RYR2: variants seen among roughly 807,000 people sequenced by gnomAD.
RYR2 encodes cardiac muscle ryanodine receptor-calcium release channel.
In RYR2, 227 loss-of-function variants were observed where a neutral mutation model predicts 601.1. The ratio of observed to expected loss-of-function variants is 0.38; its 90% CI spans 0.34 to 0.42. The LOEUF (loss-of-function observed/expected upper bound fraction) is 0.42, where lower values mean the gene tolerates loss of function less well. Ranked by LOEUF, RYR2 falls within the 10% of genes least tolerant of loss-of-function variation. The pLI, the probability that RYR2 is intolerant of heterozygous loss-of-function variation, is 1.00. For synonymous variants in RYR2, 2,223 were observed against 2,175.1 expected, an observed-to-expected ratio of 1.02 and a Z score of -0.61; for missense variants, 4,646 against 6,156.5, an observed-to-expected ratio of 0.75 and a Z score of 8.21.
chr1:237,815,295 A>C (rs188850308), intron 100 of RYR2, among the ~76,000 whole-genome samples: 2 of 152,288 alleles, frequency 1.3e-5, no homozygotes, highest in Non-Finnish European at 2.9e-5. Context: ...AAGGTGGATA[A>C]AAGGATTTTC....
At chr1:237,391,186 A>G (rs559167093) in intron 10 of RYR2, among the ~76,000 whole-genome samples, 2 of 152,212 alleles carry the variant, frequency 1.3e-5, no homozygotes, top group African/African-American at 4.8e-5. Flanking sequence ...TCCCTAGGTC[A>G]TTGTAAGGAA....
At chr1:237,087,864 A>T (rs558465006) in intron 1 of RYR2, among the ~76,000 whole-genome samples, 1 of 152,306 alleles carries the variant, frequency 6.6e-6, no homozygotes, top group South Asian at 2.1e-4. Context: ...AAGTTCTCGC[A>T]TTATTTGGAA....
intron 1 of RYR2, among the ~76,000 whole-genome samples, chr1:237,059,980 A>G (rs2148229057): frequency 6.6e-6 from 1 of 152,314 alleles, no homozygotes; most frequent in Non-Finnish European, 1.5e-5. Context: ...GTTTCCACAT[A>G]GTTATTAATA....
chr1:237,658,118 A>C, intron 54 of RYR2, 96 bp downstream of exon 54: 1 of 637,812 alleles, frequency 1.6e-6, no homozygotes, highest in Non-Finnish European at 2.5e-6. Flanking sequence ...TTTTAAAATG[A>C]GAACTTGATC....
At chr1:237,123,650 A>ATTTT (rs869177997) in intron 1 of RYR2, among the ~76,000 whole-genome samples, 13 of 78,966 alleles carry the variant, frequency 1.6e-4, no homozygotes, top group African/African-American at 2.5e-4. Flanking sequence ...ATCAGTCACT[A>ATTTT]TTTTTTTTTT....
At position 237,594,011 on chromosome 1, in the gene RYR2, AGAAAACT is replaced by A. The variant is rs530540054; in HGVS notation, c.4436+377_4436+383del. Among the ~76,000 whole-genome samples the A allele has an allele frequency of 1.1e-4, 16 of 152,304 alleles. No individual in the cohort carries two copies. In the South Asian group the frequency reaches 3.3e-3, roughly 32 times the overall value. ...TTCGGGAACTGGCTATGTGGTGGGG[AGAAAACT>A]GTGAAGACAATGTGGGCTGGTAGTT... On this transcript the variant is annotated intron_variant, in intron 33 of 104. Coordinates refer to ENST00000366574, the MANE Select transcript of RYR2 (RefSeq NM_001035.3).
At chr1:237,151,447 A>T (rs1200210369) in intron 1 of RYR2, among the ~76,000 whole-genome samples, 1 of 152,218 alleles carries the variant, frequency 6.6e-6, no homozygotes, top group Non-Finnish European at 1.5e-5. Flanking sequence ...GATGTTATTT[A>T]GCAATAATTC....
At chr1:237,582,983 A>C (rs1674103588) in intron 29 of RYR2, among the ~76,000 whole-genome samples, 1 of 151,192 alleles carries the variant, frequency 6.6e-6, no homozygotes, top group South Asian at 2.1e-4. Flanking sequence ...TTCTGTTTTA[A>C]GTTCTTTGAG....
chr1:237,809,445 T>C (rs1023009516), intron 100 of RYR2, among the ~76,000 whole-genome samples: 2 of 152,202 alleles, frequency 1.3e-5, no homozygotes, highest in African/African-American at 4.8e-5. Flanking sequence ...GAACTACTGG[T>C]TTTTGCTTTT....
intron 79 of RYR2, among the ~76,000 whole-genome samples, chr1:237,733,991 C>T (rs1246505432): frequency 6.6e-6 from 1 of 152,154 alleles, no homozygotes; most frequent in Non-Finnish European, 1.5e-5. Context: ...TGCTGGACAT[C>T]AATATATTGG....
chr1:237,603,645 G>C (rs200278686), intron 35 of RYR2, among the ~76,000 whole-genome samples: 3 of 152,258 alleles, frequency 2.0e-5, no homozygotes, highest in African/African-American at 4.8e-5. Flanking sequence ...ATTGGATAAA[G>C]AGTCAAGACC....
intron 29 of RYR2, among the ~76,000 whole-genome samples, chr1:237,573,416 G>C (rs1211767058): frequency 1.3e-5 from 2 of 151,540 alleles, no homozygotes; most frequent in African/African-American, 4.8e-5. Context: ...ACCAGTATAA[G>C]TTGTTTCTAT....
chr1:237,111,171 T>C (rs1259627137), intron 1 of RYR2, among the ~76,000 whole-genome samples: 1 of 152,222 alleles, frequency 6.6e-6, no homozygotes, highest in African/African-American at 2.4e-5. Context: ...AGGGAAACAT[T>C]TTTGGTTCAG....
intron 1 of RYR2, among the ~76,000 whole-genome samples, chr1:237,097,864 T>A (rs1667654298): frequency 1.3e-5 from 2 of 152,204 alleles, no homozygotes; most frequent in South Asian, 4.1e-4. Context: ...TGCTGTGATG[T>A]CTTGACAAGT....
chr1:237,506,655 C>T, intron 22 of RYR2, 55 bp from the exon 23 acceptor site: 3 of 1,276,330 alleles, frequency 2.4e-6, no homozygotes, highest in Non-Finnish European at 3.3e-6. Flanking sequence ...ACTGTTGGCA[C>T]TGCATCTTAT....
At chr1:237,210,150 C>T (rs1434685356) in intron 1 of RYR2, among the ~76,000 whole-genome samples, 2 of 152,136 alleles carry the variant, frequency 1.3e-5, no homozygotes, top group African/African-American at 4.8e-5. Flanking sequence ...TTGGAATCAT[C>T]CTGCTCATGT....
intron 63 of RYR2, among the ~76,000 whole-genome samples, chr1:237,695,135 TA>T (rs1687305931): frequency 1.3e-5 from 2 of 152,246 alleles, no homozygotes; most frequent in Admixed American, 6.5e-5. Flanking sequence ...AAACTTTATT[TA>T]AAAAAACAAT....
chr1:237,321,220 A>G (rs1695598245), intron 2 of RYR2, among the ~76,000 whole-genome samples: 1 of 135,414 alleles, frequency 7.4e-6, no homozygotes, highest in Non-Finnish European at 1.7e-5. Flanking sequence ...CACAAAGAGG[A>G]CCCTTAAAAA....
chr1:237,161,075 G>A (rs550906410), intron 1 of RYR2, among the ~76,000 whole-genome samples: 1 of 152,202 alleles, frequency 6.6e-6, no homozygotes, highest in African/African-American at 2.4e-5. Context: ...TGTTAATTAG[G>A]AGATGCTGAT....
Sources: allele counts gnomAD v4.1 joint callset (sites outside exome capture counted in the v4.1 genomes callset), GRCh38; gene constraint gnomAD v4.1.1; transcripts MANE v1.5; gene names NCBI Gene and HGNC (gene_info 2026-07-23, HGNC 2026-07-21).